Variants in RBFOX1 observed in about 807,000 individuals in gnomAD.
RBFOX1 encodes the protein RNA binding fox-1 homolog 1.
RBFOX1 carries 8 observed loss-of-function variants against 57.7 expected under a neutral mutation model. The ratio of observed to expected loss-of-function variants is 0.14; its 90% CI spans 0.08 to 0.25. The LOEUF is 0.25. Among genes scored for constraint, RBFOX1 ranks in the 10% least tolerant of loss-of-function variants. The pLI is 1.00. For missense variants in RBFOX1, 611 were observed against 548.5 expected (o/e 1.11, Z -1.14); for synonymous variants, 326 against 222.4 (o/e 1.47, Z -4.15).
chr16:7,383,231 C>G (rs554396958), intron 4 of RBFOX1, among the ~76,000 whole-genome samples: 1 of 150,670 alleles, frequency 6.6e-6, no homozygotes, highest in Non-Finnish European at 1.5e-5. Context: ...TCATGTATCC[C>G]ATAAACATAC....
At chr16:6,625,156 C>G (rs11646888) in intron 2 of RBFOX1, among the ~76,000 whole-genome samples, 1 of 24,030 alleles carries the variant, frequency 4.2e-5, no homozygotes. Flanking sequence ...CCAACCCTAT[C>G]TAAAAAAAAA....
At chr16:5,703,100 G>A (rs566196373) in intron 3 of RBFOX1, among the ~76,000 whole-genome samples, 232 of 152,138 alleles carry the variant, frequency 1.5e-3, no homozygotes, top group Non-Finnish European at 2.8e-3. Context: ...AAAGATGCCA[G>A]GTCTTTGCCC....
chr16:6,852,182 A>C (rs181901357), intron 3 of RBFOX1, among the ~76,000 whole-genome samples: 1 of 152,220 alleles, frequency 6.6e-6, no homozygotes, highest in East Asian at 1.9e-4. Flanking sequence ...CCTGCAACCA[A>C]GGTTTTGATA....
At chr16:6,997,592 T>A (rs56410046) in intron 3 of RBFOX1, among the ~76,000 whole-genome samples, 1,978 of 152,324 alleles carry the variant, frequency 0.013, 41 homozygotes, top group African/African-American at 0.045. Context: ...ATACAAAAGA[T>A]AGACTGCGTT....
At chr16:7,704,128 G>A (rs1430267951) in intron 14 of RBFOX1, among the ~76,000 whole-genome samples, 1 of 152,188 alleles carries the variant, frequency 6.6e-6, no homozygotes, top group East Asian at 1.9e-4. Context: ...AGTCATGAGA[G>A]CAAGGACATC....
chr16:6,605,137 G>C (rs911009598), intron 2 of RBFOX1, among the ~76,000 whole-genome samples: 2 of 152,148 alleles, frequency 1.3e-5, no homozygotes, highest in African/African-American at 2.4e-5. Context: ...TACTCGGGAA[G>C]CTAAGGTGAG....
At chr16:5,860,991 G>T (rs767434421) in intron 3 of RBFOX1, among the ~76,000 whole-genome samples, 19 of 152,204 alleles carry the variant, frequency 1.2e-4, no homozygotes, top group Admixed American at 8.5e-4. Context: ...TTTCCTGAAG[G>T]CTAAAGGGAT....
At chr16:6,164,785 A>C (rs913563350) in intron 1 of RBFOX1, among the ~76,000 whole-genome samples, 3 of 152,080 alleles carry the variant, frequency 2.0e-5, no homozygotes, top group African/African-American at 7.2e-5. Context: ...GAAATATTTT[A>C]ATTGCCTGTA....
At chr16:6,308,158 G>A (rs1454041593) in intron 1 of RBFOX1, among the ~76,000 whole-genome samples, 1 of 151,608 alleles carries the variant, frequency 6.6e-6, no homozygotes, top group Non-Finnish European at 1.5e-5. Context: ...TATTTGGAAT[G>A]TCATTTACAT....
chr16:5,419,561 T>A (rs1188712706), intron 1 of RBFOX1, among the ~76,000 whole-genome samples: 4 of 151,876 alleles, frequency 2.6e-5, no homozygotes, highest in Admixed American at 6.6e-5. Flanking sequence ...ACAATGGGTG[T>A]GTCTTTGCAT....
intron 2 of RBFOX1, chr16:6,484,055 C>T (rs1020606781): frequency 3.8e-6 from 2 of 524,832 alleles, no homozygotes; most frequent in Non-Finnish European, 4.9e-6. Context: ...GGAGATGCAT[C>T]GATTTTCTTT....
At chr16:6,127,196 G>A (rs994797242) in intron 1 of RBFOX1, among the ~76,000 whole-genome samples, 2 of 151,894 alleles carry the variant, frequency 1.3e-5, no homozygotes, top group Admixed American at 6.6e-5. Context: ...TAATGAGGAG[G>A]ACTGCCCTAG....
intron 3 of RBFOX1, among the ~76,000 whole-genome samples, chr16:6,674,999 A>C (rs769154882): frequency 6.6e-6 from 1 of 151,952 alleles, no homozygotes; most frequent in African/African-American, 2.4e-5. Flanking sequence ...TCTGCCTCCC[A>C]GGTTCAAGCC....
At chr16:7,211,924 C>T (rs775808043) in intron 4 of RBFOX1, among the ~76,000 whole-genome samples, 18 of 152,222 alleles carry the variant, frequency 1.2e-4, no homozygotes, top group African/African-American at 2.6e-4. Context: ...TACCCACAGG[C>T]GCCGTAAATT....
chr16:5,827,600 C>G (rs11644771), intron 3 of RBFOX1, among the ~76,000 whole-genome samples: 63,881 of 151,784 alleles, frequency 0.42, 14,345 homozygotes, highest in East Asian at 0.62. Flanking sequence ...GTCTTAACTA[C>G]TCAACTCTAC....
chr16:5,253,883 T>C (rs2062518630), intron 1 of RBFOX1, among the ~76,000 whole-genome samples: 1 of 152,228 alleles, frequency 6.6e-6, no homozygotes, highest in South Asian at 2.1e-4. Flanking sequence ...TGGTCTCATC[T>C]GACAGTGGAG....
chr16:6,418,525 T>TTTA (rs2093687561), intron 2 of RBFOX1, among the ~76,000 whole-genome samples: 2 of 116,942 alleles, frequency 1.7e-5, no homozygotes, highest in African/African-American at 6.8e-5. Flanking sequence ...CCTTATTTTT[T>TTTA]TTTTTTTTTT....
chr16:7,471,037 A>G (rs1431149877), intron 4 of RBFOX1, among the ~76,000 whole-genome samples: 1 of 152,204 alleles, frequency 6.6e-6, no homozygotes, highest in African/African-American at 2.4e-5. Context: ...TAGTGCACAG[A>G]CAGATAATAA....
At chr16:5,955,254 C>T (rs1260682521) in intron 4 of RBFOX1, among the ~76,000 whole-genome samples, 3 of 147,268 alleles carry the variant, frequency 2.0e-5, no homozygotes, top group Non-Finnish European at 4.5e-5. Flanking sequence ...GCACTTCAGC[C>T]TGGGTGACAA....
Sources: allele counts gnomAD v4.1 joint callset (sites outside exome capture counted in the v4.1 genomes callset), GRCh38; gene constraint gnomAD v4.1.1; transcripts MANE v1.5; gene names NCBI Gene and HGNC (gene_info 2026-07-23, HGNC 2026-07-21).